Variants in FAM221B observed in about 807,000 individuals in gnomAD.
FAM221B encodes family with sequence similarity 221 member B, also known as protein FAM221B.
A neutral mutation model predicts 39.8 loss-of-function variants in FAM221B; 35 were observed. The ratio of observed to expected loss-of-function variants is 0.88; its 90% CI spans 0.67 to 1.17. The LOEUF is 1.17. FAM221B is among the 50% of genes most tolerant of loss of function. The pLI is 0.00. For missense variants in FAM221B, 479 were observed against 503.1 expected, an observed-to-expected ratio of 0.95 and a Z score of 0.46; for synonymous variants, 158 against 178.1, an observed-to-expected ratio of 0.89 and a Z score of 0.90.
rs1368154135 is a variant in FAM221B at position 35,828,517 on chromosome 9, G to T, written c.-55C>A. On this transcript the variant is annotated 5_prime_UTR_variant, in exon 1 of 7. Coordinates refer to ENST00000423537, the MANE Select transcript of FAM221B (RefSeq NM_001012446.4). The surrounding 1 kb of genome is among the most constrained non-coding windows in gnomAD (Gnocchi z 4.5). ...TCCTTAGGTCAAGACCTTGACTTAG[G>T]ATGGCAGGGGGAGGTGTTGATCCTC... The T allele has an allele frequency of 1.0e-6, 1 of 985,514 alleles. No individual in the cohort carries two copies. The highest frequency in any genetic ancestry group is 1.7e-5 in the African/African-American group (1 of 57,346). The allele number at this position is 985,514 out of a possible 1,614,324, so 61.0% of individuals were successfully genotyped here. A position where few individuals can be genotyped will look rare whatever the true frequency, so the allele number is the denominator to read the frequency against.
chr9:35,819,834 T>G, intron 4 of FAM221B, 56 bp downstream of exon 4: 1 of 1,323,496 alleles, frequency 7.6e-7, no homozygotes, highest in Non-Finnish European at 1.1e-6. Context: ...TCCCAAGACA[T>G]GACAGAGTAC....
At position 35,825,097 on chromosome 9, in the gene FAM221B, C is replaced by T. The variant is rs1588095557; in HGVS notation, c.742+133G>A. The T allele has an allele frequency of 5.7e-6, 6 of 1,055,646 alleles. No individual in the cohort carries two copies. The South Asian group carries it at 7.9e-5, about 14-fold the overall frequency. 65.4% of individuals were successfully genotyped at this position (1,055,646 alleles called of 1,614,324 possible). On this transcript the variant is annotated intron_variant, in intron 3 of 6. Transcript: ENST00000423537. The surrounding 1 kb of genome is among the most constrained non-coding windows in gnomAD (Gnocchi z 4.2). ...GTATTCCTTGGCCCACTTGCCTGCT[C>T]CTTTTCCAGGCAGGTGGTATAGCCA...
At chr9:35,826,249 T>C (rs1246431263) in intron 1 of FAM221B, 88 bp from the exon 2 acceptor site, 46 of 972,380 alleles carry the variant, frequency 4.7e-5, no homozygotes, top group Non-Finnish European at 6.8e-5. Context: ...CAGTGCATTA[T>C]GGAATTTGGA....
At chr9:35,821,409 G>T in intron 3 of FAM221B, 1 of 1,360,398 alleles carries the variant, frequency 7.4e-7, no homozygotes, top group South Asian at 1.1e-5. Context: ...TCACAATTCC[G>T]TGCCTCAGAT....
intron 6 of FAM221B, 27 bp downstream of exon 6, chr9:35,818,863 G>T (rs747738851): frequency 3.9e-6 from 6 of 1,550,520 alleles, no homozygotes; most frequent in Non-Finnish European, 8.7e-7. Context: ...CCCTGGAATG[G>T]CCCCCTGTCC....
rs568302552 is a variant in FAM221B, at chr9:35,819,126, A to G, written c.1051+71T>C. ...CCCAAGGCTCTCATACCTGCTCTCC[A>G]TCATTATCCCCAGATTGCATCCTAT... On this transcript the variant is annotated intron_variant, in intron 5 of 6. Transcript: ENST00000423537. 5.2e-4 allele frequency: 799 copies of G among 1,532,898 alleles called. 1 individual carries two copies. Among genetic ancestry groups the G allele is most frequent in the Middle Eastern group, 2.9e-3 (16 of 5,600 alleles). The allele number at this position is 1,532,898 out of a possible 1,614,324, so 95.0% of individuals were successfully genotyped here. A position where few individuals can be genotyped will look rare whatever the true frequency, so the allele number is the denominator to read the frequency against.
At position 35,819,934 on chromosome 9, in the gene FAM221B, C is replaced by T. The variant is rs1183148160; in HGVS notation, c.809G>A (p.Arg270Lys). The T allele has an allele frequency of 6.2e-7, 1 of 1,609,466 alleles. No homozygotes were observed. The highest frequency in any genetic ancestry group is 8.5e-7 in the Non-Finnish European group (1 of 1,176,988). Reference protein sequence around the residue: ...WDCFRIGDESRCFCGHLLREH... With the variant: ...WDCFRIGDESKCFCGHLLREH... Reference sequence around the variant, plus strand: ...TCTCAACAAGTGTCCACAAAAGCATCTGGACTCATCCCCAATCCGGAAACA... The same window carrying T: ...TCTCAACAAGTGTCCACAAAAGCATTTGGACTCATCCCCAATCCGGAAACA... Residue 270 changes from arginine to lysine, a missense_variant, in exon 4 of 7, where the codon AGA becomes AAA. Physicochemically the swap from Arg to Lys is conservative, Grantham distance 26. Transcript: ENST00000423537.
At chr9:35,824,067 G>C (rs1020818598) in intron 3 of FAM221B, among the ~76,000 whole-genome samples, 1 of 152,124 alleles carries the variant, frequency 6.6e-6, no homozygotes, top group African/African-American at 2.4e-5. Flanking sequence ...GTCCCTGCAT[G>C]GGAAAGGGGA....
intron 3 of FAM221B, among the ~76,000 whole-genome samples, chr9:35,822,894 G>A (rs980359182): frequency 9.9e-5 from 15 of 152,158 alleles, no homozygotes; most frequent in Non-Finnish European, 2.2e-4. Context: ...ACAGAAATTC[G>A]TTCATGTTAT....
chr9:35,820,306 G>A (rs1036368261), intron 3 of FAM221B, among the ~76,000 whole-genome samples: 1 of 152,170 alleles, frequency 6.6e-6, no homozygotes, highest in African/African-American at 2.4e-5. Context: ...ATGAAATTTT[G>A]TTTGAGGATG....
At chr9:35,819,833 A>G (rs1246976965) in intron 4 of FAM221B, 57 bp downstream of exon 4, 8 of 1,325,664 alleles carry the variant, frequency 6.0e-6, no homozygotes, top group Middle Eastern at 1.8e-4. Flanking sequence ...TTCCCAAGAC[A>G]TGACAGAGTA....
chr9:35,818,944 G>A lies in FAM221B; in HGVS notation c.1117C>T (p.His373Tyr), dbSNP rs1384360116. The change falls in exon 6 of 7, where the codon CAC (histidine) becomes TAC (tyrosine). Residue 373 changes from histidine to tyrosine, a missense_variant. By Grantham distance (83) the His-to-Tyr change is moderately conservative. Transcript: ENST00000423537. ...TTCTGGGTGTCAAAGAAAGTCTCGT[G>A]TTCCTCCCAGCGCCGGTCACAGGCC... ...CAACDRRWEE[H>Y]ETFFDTQKTR... The A allele has an allele frequency of 9.7e-6, 15 of 1,551,708 alleles. No homozygotes were observed. Among genetic ancestry groups the A allele is most frequent in the Non-Finnish European group, 1.2e-5 (14 of 1,147,042 alleles).
In FAM221B at chr9:35,819,289, G is replaced by T. The variant is rs1381916707; in HGVS notation, c.959C>A (p.Thr320Asn). The T allele has an allele frequency of 2.6e-6, 4 of 1,551,628 alleles. No homozygotes were observed. The highest frequency in any genetic ancestry group is 1.4e-5 in the African/African-American group (1 of 73,046). The change falls in exon 5 of 7, where the codon ACC becomes AAC. Residue 320 changes from threonine (T) to asparagine (N), a missense_variant. Coordinates refer to ENST00000423537, the MANE Select transcript of FAM221B (RefSeq NM_001012446.4). ...GGCCCTCCAGGCCTTGGGGTCAAAGGTGGCCCGTCTCTTGAGCCAGAACTC... is the reference window on the plus strand; with the variant it reads ...GGCCCTCCAGGCCTTGGGGTCAAAGTTGGCCCGTCTCTTGAGCCAGAACTC... ...VGEFWLKRRATFDPKAWRAQC... is the reference protein window; with the variant it reads ...VGEFWLKRRANFDPKAWRAQC...
rs1167255552 is a variant in FAM221B, at chr9:35,825,299, C to T, written c.673G>A (p.Glu225Lys). The T allele has an allele frequency of 1.2e-6, 2 of 1,614,282 alleles. No homozygotes were observed. The highest frequency in any genetic ancestry group is 4.5e-5 in the East Asian group (2 of 44,894). Residue 225 changes from glutamate to lysine, a missense_variant, in exon 3 of 7, where the codon GAG becomes AAG. By Grantham distance (56) the Glu-to-Lys change is moderately conservative (BLOSUM62 1). Coordinates refer to ENST00000423537, the MANE Select transcript of FAM221B (RefSeq NM_001012446.4). This position sits in a 1 kb window ranked among gnomAD's most constrained non-coding sequence, Gnocchi z 4.2. ...VEVAKAMHRE[E>K]FGAQVNNLFQ... ...AGATTGTTCACTTGAGCACCAAACT[C>T]CTCTCTATGCATTGCCTTAGCCACT...
chr9:35,826,725 A>G (rs1304503275), intron 1 of FAM221B: 1 of 153,676 alleles, frequency 6.5e-6, no homozygotes, highest in Non-Finnish European at 1.4e-5. Context: ...TTGTGTACCA[A>G]TGACTCCTAA....
rs370995357 is a variant in FAM221B, at chr9:35,825,824, C to T, written c.338G>A (p.Arg113Gln). The stretch of plus-strand genomic sequence containing the variant: ...AGAAGAAGACAGACAGACATAGTCT[C>T]GTGATTGGGGAGGAAGAGTAAGGTG... Reference protein sequence around the residue: ...EKHLTLPPQSRDYVCLSSSDT... With the variant: ...EKHLTLPPQSQDYVCLSSSDT... Residue 113 changes from arginine to glutamine, a missense_variant, in exon 2 of 7, where the codon CGA becomes CAA. Transcript: ENST00000423537. The surrounding 1 kb of genome is among the most constrained non-coding windows in gnomAD (Gnocchi z 4.2). 88 of 1,613,930 alleles carry T rather than the reference C, an allele frequency of 5.5e-5. No individual in the cohort carries two copies. The highest frequency in any genetic ancestry group is 1.6e-4 in the Middle Eastern group (1 of 6,084).
At position 35,825,635 on chromosome 9, in the gene FAM221B, G is replaced by C; in HGVS notation, c.527C>G (p.Ala176Gly). 1 of 1,614,220 alleles carries C rather than the reference G, an allele frequency of 6.2e-7. No homozygotes were observed. The highest frequency in any genetic ancestry group is 8.5e-7 in the Non-Finnish European group (1 of 1,180,038). ...VDTTEKQEEEAGEVEKGVDAS... is the reference protein window; with the variant it reads ...VDTTEKQEEEGGEVEKGVDAS... ...ATCTACTCCCTTTTCAACCTCTCCTGCTTCTTCCTCCTGCTTTTCGGTTGT... is the reference window on the plus strand; with the variant it reads ...ATCTACTCCCTTTTCAACCTCTCCTCCTTCTTCCTCCTGCTTTTCGGTTGT... Residue 176 changes from alanine (A) to glycine (G), a missense_variant, in exon 2 of 7, where the codon GCA becomes GGA. Transcript: ENST00000423537. The surrounding 1 kb of genome is among the most constrained non-coding windows in gnomAD (Gnocchi z 4.2).
At position 35,825,406 on chromosome 9, in the gene FAM221B, A is replaced by T. The variant is rs745394461; in HGVS notation, c.599-33T>A. 23 of 1,613,154 alleles carry T rather than the reference A, an allele frequency of 1.4e-5. No individual in the cohort carries two copies. The South Asian group carries it at 2.3e-4, about 16-fold the overall frequency. On this transcript the variant is annotated intron_variant, in intron 2 of 6. Transcript: ENST00000423537. This position sits in a 1 kb window ranked among gnomAD's most constrained non-coding sequence, Gnocchi z 4.2. The stretch of plus-strand genomic sequence containing the variant: ...GGGAGAGGATGAGTAACCAGGGGGA[A>T]GTGAGAAGGCCCTAAAACTAAGAGA...
intron 6 of FAM221B, 126 bp downstream of exon 6, chr9:35,818,764 G>T: frequency 7.8e-7 from 1 of 1,282,982 alleles, no homozygotes; most frequent in Non-Finnish European, 1.1e-6. Context: ...GTAGGTGGGT[G>T]GTGGGGAGGT....
Sources: gnomAD v4.1 joint callset for allele counts (sites outside exome capture counted in the v4.1 genomes callset) on GRCh38, gnomAD v4.1.1 for gene constraint, Gnocchi (gnomAD v3.1) non-coding constraint, MANE v1.5 for transcripts, NCBI Gene and HGNC (gene_info 2026-07-23, HGNC 2026-07-21) for gene names.